The following SHANK2 variants were observed in gnomAD, a reference collection of about 807,000 sequenced individuals.
The protein encoded by SHANK2 is SH3 and multiple ankyrin repeat domains protein 2.
Under a neutral mutation model 133.7 loss-of-function variants are expected in SHANK2, and 43 were observed. That is an observed-to-expected ratio of 0.32 (90% CI 0.25 to 0.41). The LOEUF is 0.41. SHANK2 is among the 10% of genes least tolerant of loss of function. The pLI is 1.00. For synonymous variants in SHANK2, 1,017 were observed against 952.8 expected (o/e 1.07, Z -1.24); for missense variants, 1,994 against 2,235.8 (o/e 0.89, Z 2.18).
chr11:70,773,442 T>G (rs1424063685), intron 14 of SHANK2, among the ~76,000 whole-genome samples: 1 of 152,236 alleles, frequency 6.6e-6, no homozygotes, highest in African/African-American at 2.4e-5. Context: ...ATCTTTTCAA[T>G]TCATGACATC....
chr11:71,168,029 G>GAGGCGGTTGCC (rs1953217740), intron 2 of SHANK2, among the ~76,000 whole-genome samples: 2 of 122,170 alleles, frequency 1.6e-5, no homozygotes, highest in African/African-American at 6.7e-5. Flanking sequence ...CTTCTCAGAC[G>GAGGCGGTTGCC]GGGCGGCTGC....
chr11:70,941,052 G>A (rs181121501), intron 10 of SHANK2, among the ~76,000 whole-genome samples: 263 of 152,298 alleles, frequency 1.7e-3, no homozygotes, highest in Admixed American at 4.0e-3. Flanking sequence ...GGGGCTGATG[G>A]AAAACAAGTT....
At position 71,185,984 on chromosome 11, in the gene SHANK2, C is replaced by T. The variant is rs149279936; in HGVS notation, c.-12-38646G>A. ...TGGAAAATACAATGGTACGGTGACA[C>T]CCCCAAAGGGTGGTACATTTCACTG... On this transcript the variant is annotated intron_variant, in intron 2 of 25. Transcript: ENST00000601538. Among the ~76,000 whole-genome samples, 97 of 152,312 alleles carry T rather than the reference C, an allele frequency of 6.4e-4. 1 individual carries two copies. The highest frequency in any genetic ancestry group is 2.2e-3 in the African/African-American group (91 of 41,566).
chr11:70,697,938 G>C (rs1476284651), intron 15 of SHANK2: 1 of 152,420 alleles, frequency 6.6e-6, no homozygotes, highest in South Asian at 2.1e-4. Context: ...TCAACATCCA[G>C]GAAGAACCCT....
chr11:70,761,863 T>C (rs376329383), intron 14 of SHANK2, among the ~76,000 whole-genome samples: 8 of 152,354 alleles, frequency 5.3e-5, no homozygotes, highest in East Asian at 1.9e-4. Flanking sequence ...TTTTAAAGCA[T>C]AGAACTTCAG....
rs527979199 is a variant in SHANK2 at position 70,716,489 on chromosome 11, T to C, written c.1778-17726A>G. Among the ~76,000 whole-genome samples the C allele has an allele frequency of 3.7e-4, 57 of 152,336 alleles. No homozygotes were observed. In the South Asian group the frequency reaches 0.011, roughly 30 times the overall value. ...GATCGTGTGGGAAGACAGCTGCTTC[T>C]TTATTGCTCGGGTTTCGGTGCTGGG... On this transcript the variant is annotated intron_variant, in intron 14 of 25. Transcript: ENST00000601538.
At chr11:70,596,391 G>T (rs367649362) in intron 17 of SHANK2, among the ~76,000 whole-genome samples, 1 of 152,150 alleles carries the variant, frequency 6.6e-6, no homozygotes, top group Non-Finnish European at 1.5e-5. Flanking sequence ...ACTGTCCAGG[G>T]TATTTCCAAG....
intron 17 of SHANK2, among the ~76,000 whole-genome samples, chr11:70,516,611 A>G (rs557415518): frequency 3.9e-5 from 6 of 152,378 alleles, no homozygotes; most frequent in Non-Finnish European, 7.3e-5. Context: ...TTGATGTTGG[A>G]CTTCCTTAAA....
At chr11:70,526,501 C>T (rs543583145) in intron 17 of SHANK2, among the ~76,000 whole-genome samples, 11 of 152,296 alleles carry the variant, frequency 7.2e-5, no homozygotes, top group African/African-American at 1.9e-4. Flanking sequence ...ACATGGGAGG[C>T]GTGTACCATG....
rs1481342523 is a variant in SHANK2, at chr11:71,248,247, G to T, written c.-113+4178C>A. Among the ~76,000 whole-genome samples the T allele has an allele frequency of 6.6e-5, 10 of 152,382 alleles. No individual in the cohort carries two copies. The East Asian group carries it at 1.9e-3, about 29-fold the overall frequency. On this transcript the variant is annotated intron_variant, in intron 1 of 25. Coordinates refer to ENST00000601538, the MANE Select transcript of SHANK2 (RefSeq NM_012309.5). Reference sequence around the variant, plus strand: ...CCAAGGAGACAGCCGTCCATCAGCGGCATCAAACCAGTCCTTGAATCTGCC... The same window carrying T: ...CCAAGGAGACAGCCGTCCATCAGCGTCATCAAACCAGTCCTTGAATCTGCC...
At chr11:70,632,738 C>T (rs377420434) in intron 17 of SHANK2, among the ~76,000 whole-genome samples, 4 of 152,202 alleles carry the variant, frequency 2.6e-5, no homozygotes, top group Non-Finnish European at 4.4e-5. Flanking sequence ...CAGAAAAGGG[C>T]GCATGAGGGT....
rs1419939250 is a variant in SHANK2, at chr11:71,085,946, T to A, written c.912+6476A>T. On this transcript the variant is annotated intron_variant, in intron 8 of 25. Transcript: ENST00000601538. ...TAATAAATTGTTATATATTAATATG[T>A]TATATATATTATGTTATATATTATA... is the stretch of plus-strand genomic sequence containing the variant. Among the ~76,000 whole-genome samples, 13 of 10,158 alleles carry A rather than the reference T, an allele frequency of 1.3e-3. 1 individual carries two copies. Among genetic ancestry groups the A allele is most frequent in the Non-Finnish European group, 3.6e-3 (11 of 3,060 alleles). The allele number at this position is 10,158 out of a possible 152,430, so 6.7% of individuals were successfully genotyped here.
chr11:70,609,211 C>T (rs1410662939), intron 17 of SHANK2, among the ~76,000 whole-genome samples: 1 of 152,238 alleles, frequency 6.6e-6, no homozygotes, highest in Non-Finnish European at 1.5e-5. Context: ...GGACGGCCCA[C>T]CCAACAGAGG....
chr11:71,233,059 C>G (rs1555123179), intron 1 of SHANK2, among the ~76,000 whole-genome samples: 3 of 152,116 alleles, frequency 2.0e-5, no homozygotes, highest in Non-Finnish European at 4.4e-5. Flanking sequence ...CACCTGTAAT[C>G]CCAGCACTTT....
chr11:71,075,448 C>T (rs1013155361), intron 8 of SHANK2, among the ~76,000 whole-genome samples, 173 bp from the exon 9 acceptor site: 38 of 152,328 alleles, frequency 2.5e-4, no homozygotes, highest in African/African-American at 7.9e-4. Context: ...AAGACATCAG[C>T]ATGCACCACC....
chr11:71,073,156 C>CTTTTTTTTTTTTTTTTTTTTTTTTTTT (rs1198101078), intron 9 of SHANK2, among the ~76,000 whole-genome samples: 4 of 40,812 alleles, frequency 9.8e-5, no homozygotes, highest in Admixed American at 3.1e-4. Context: ...TCTTTTTTTT[C>CTTTTTTTTTTTTTTTTTTTTTTTTTTT]TTTTTTTTCT....
chr11:70,753,143 C>A (rs1946790626), intron 14 of SHANK2, among the ~76,000 whole-genome samples: 1 of 143,396 alleles, frequency 7.0e-6, no homozygotes. Context: ...AACAACAAAA[C>A]AAACATGAGG....
intron 2 of SHANK2, among the ~76,000 whole-genome samples, chr11:71,206,175 A>G (rs1555117961): frequency 1.3e-5 from 2 of 152,154 alleles, no homozygotes; most frequent in Non-Finnish European, 2.9e-5. Context: ...TGCTAGTGCA[A>G]AGTCTTCTGT....
chr11:70,784,685 G>A (rs1555046047), intron 14 of SHANK2, among the ~76,000 whole-genome samples: 1 of 152,124 alleles, frequency 6.6e-6, no homozygotes, highest in East Asian at 1.9e-4. Context: ...CCCCCTCTGT[G>A]GCATGGGCTG....
Sources: allele counts gnomAD v4.1 joint callset (sites outside exome capture counted in the v4.1 genomes callset), GRCh38; gene constraint gnomAD v4.1.1; transcripts MANE v1.5; gene names NCBI Gene and HGNC (gene_info 2026-07-23, HGNC 2026-07-21).